BRMS1L: variants seen among roughly 807,000 people sequenced by gnomAD.
BRMS1L encodes the protein BRMS1 like transcriptional repressor.
BRMS1L carries 23 observed loss-of-function variants against 50.3 expected under a neutral mutation model. The ratio of observed to expected loss-of-function variants is 0.46; its 90% CI spans 0.33 to 0.65. The LOEUF (loss-of-function observed/expected upper bound fraction) is 0.65. Among genes scored for constraint, BRMS1L ranks in the 30% least tolerant of loss-of-function variants. BRMS1L has a pLI of 0.02. For synonymous variants in BRMS1L, 114 were observed against 126.9 expected (o/e 0.90, Z 0.69); for missense variants, 286 against 386.1 (o/e 0.74, Z 2.17).
intron 4 of BRMS1L, among the ~76,000 whole-genome samples, chr14:35,853,717 G>GT (rs2078244117): frequency 6.6e-6 from 1 of 152,144 alleles, no homozygotes; most frequent in Admixed American, 6.6e-5. Context: ...GTGAACCACT[G>GT]TGCCCAACCC....
At chr14:35,863,794 A>G in intron 5 of BRMS1L, 76 bp from the exon 6 acceptor site, 1 of 1,300,142 alleles carries the variant, frequency 7.7e-7, no homozygotes, top group Non-Finnish European at 1.1e-6. Context: ...CTAAATAGCC[A>G]CCATAAAATT....
chr14:35,848,911 A>G (rs1235839514), intron 4 of BRMS1L, among the ~76,000 whole-genome samples: 1 of 152,228 alleles, frequency 6.6e-6, no homozygotes, highest in Non-Finnish European at 1.5e-5. Flanking sequence ...TTGGAGGTGA[A>G]TAATGCTGTA....
chr14:35,864,038 A>G (rs1255931390), intron 6 of BRMS1L, 85 bp downstream of exon 6: 2 of 1,011,002 alleles, frequency 2.0e-6, no homozygotes, highest in East Asian at 5.0e-5. Flanking sequence ...ATTTGTAAAC[A>G]CTGACTTTAT....
chr14:35,864,022 A>C, intron 6 of BRMS1L, 69 bp downstream of exon 6: 1 of 1,183,440 alleles, frequency 8.4e-7, no homozygotes, highest in Middle Eastern at 2.0e-4. Context: ...TGCCTTTATA[A>C]CTTTTATTTG....
intron 4 of BRMS1L, among the ~76,000 whole-genome samples, chr14:35,835,644 A>G (rs2077981883): frequency 6.6e-6 from 1 of 152,144 alleles, no homozygotes; most frequent in Non-Finnish European, 1.5e-5. Flanking sequence ...GGAAGTCAAG[A>G]CCAGTCTGGG....
intron 4 of BRMS1L, among the ~76,000 whole-genome samples, chr14:35,848,595 T>G (rs1164819204): frequency 6.6e-6 from 1 of 152,214 alleles, no homozygotes; most frequent in Non-Finnish European, 1.5e-5. Context: ...TACCCTTTGG[T>G]GAACATTTCC....
At chr14:35,826,802 G>A in intron 1 of BRMS1L, 144 bp downstream of exon 1, 3 of 1,232,114 alleles carry the variant, frequency 2.4e-6, no homozygotes, top group African/African-American at 1.5e-5. Context: ...GCCCTGGGCT[G>A]CACCCTGACC....
At chr14:35,844,971 C>T (rs2078114790) in intron 4 of BRMS1L, among the ~76,000 whole-genome samples, 1 of 151,912 alleles carries the variant, frequency 6.6e-6, no homozygotes, top group Admixed American at 6.6e-5. Flanking sequence ...GCCTTGAACT[C>T]CTCTGCTTAA....
intron 4 of BRMS1L, among the ~76,000 whole-genome samples, chr14:35,856,760 A>G (rs1169019): frequency 1 from 152,008 of 152,110 alleles, 75,953 homozygotes; most frequent in Middle Eastern, 1. Flanking sequence ...TACAGCAGGC[A>G]TCTGCCACCA....
At chr14:35,829,254 T>C (rs78595547) in intron 1 of BRMS1L, among the ~76,000 whole-genome samples, 9,773 of 152,286 alleles carry the variant, frequency 0.064, 690 homozygotes, top group African/African-American at 0.16. Context: ...TTGGTGAATA[T>C]GTTTCTTAGA....
At chr14:35,851,118 C>A (rs2078206171) in intron 4 of BRMS1L, among the ~76,000 whole-genome samples, 1 of 152,162 alleles carries the variant, frequency 6.6e-6, no homozygotes, top group Non-Finnish European at 1.5e-5. Context: ...CATGATTAGA[C>A]ACAGATTTAA....
chr14:35,853,324 C>T (rs939580924), intron 4 of BRMS1L, among the ~76,000 whole-genome samples: 2 of 151,812 alleles, frequency 1.3e-5, no homozygotes, highest in Non-Finnish European at 2.9e-5. Context: ...TCCATTCTAA[C>T]TACTTCTATT....
At chr14:35,852,754 A>T (rs1170520125) in intron 4 of BRMS1L, among the ~76,000 whole-genome samples, 1 of 152,010 alleles carries the variant, frequency 6.6e-6, no homozygotes, top group Non-Finnish European at 1.5e-5. Flanking sequence ...ACATGGTGAA[A>T]CCCCGTCTCT....
chr14:35,849,529 C>T (rs2078181405), intron 4 of BRMS1L, among the ~76,000 whole-genome samples: 1 of 151,276 alleles, frequency 6.6e-6, no homozygotes, highest in African/African-American at 2.4e-5. Context: ...AAACTCCTGG[C>T]CTCAAGTGAT....
intron 4 of BRMS1L, among the ~76,000 whole-genome samples, chr14:35,857,254 T>G (rs76252448): frequency 1.4e-5 from 2 of 146,018 alleles, no homozygotes; most frequent in South Asian, 4.3e-4. Context: ...AAAAAAAATA[T>G]ATATATATAT....
At chr14:35,831,528 T>G (rs754135755) in intron 2 of BRMS1L, 28 bp downstream of exon 2, 4 of 1,512,046 alleles carry the variant, frequency 2.6e-6, no homozygotes, top group Non-Finnish European at 2.8e-6. Flanking sequence ...AAGGCCATTG[T>G]CACTGAATCT....
Position 35,832,923 on chromosome 14 carries a change from T to C in BRMS1L, c.234-55T>C, listed in dbSNP as rs139654728. The C allele has an allele frequency of 1.6e-3, 2,369 of 1,490,386 alleles. 46 individuals are homozygous for C. In the Admixed American group the frequency reaches 0.04, roughly 25 times the overall value. 92.3% of individuals were successfully genotyped at this position (1,490,386 alleles called of 1,614,324 possible). A position where few individuals can be genotyped will look rare whatever the true frequency, so the allele number is the denominator to read the frequency against. Reference sequence around the variant, plus strand: ...ACAAATAATGTATAGAAATGGCAAATTGTTAGCCTTTGTTGAGATTTTTAA... The same window carrying C: ...ACAAATAATGTATAGAAATGGCAAACTGTTAGCCTTTGTTGAGATTTTTAA... On this transcript the variant is annotated intron_variant, in intron 2 of 9. Transcript: ENST00000216807.
intron 4 of BRMS1L, among the ~76,000 whole-genome samples, chr14:35,844,395 A>G (rs1214824343): frequency 6.6e-6 from 1 of 152,142 alleles, no homozygotes; most frequent in Non-Finnish European, 1.5e-5. Context: ...AGAATGCACC[A>G]TTCCTCACGG....
Position 35,836,453 on chromosome 14 carries a change from G to A in BRMS1L, c.441+1530G>A, listed in dbSNP as rs540143425. 7.2e-5 allele frequency among the ~76,000 whole-genome samples: 11 copies of A among 152,196 alleles called. No homozygotes were observed. In the East Asian group the frequency reaches 7.7e-4, roughly 11 times the overall value. ...TCCCCTGGCCTCAAGCCATCCTCCT[G>A]CCTCAGCCTCCTGAGTAGCTGGGAC... On this transcript the variant is annotated intron_variant, in intron 4 of 9. Transcript: ENST00000216807.
Sources: gnomAD v4.1 joint callset for allele counts (sites outside exome capture counted in the v4.1 genomes callset) on GRCh38, gnomAD v4.1.1 for gene constraint, MANE v1.5 for transcripts, NCBI Gene and HGNC (gene_info 2026-07-23, HGNC 2026-07-21) for gene names.